Variants in PRKG1 observed in about 807,000 individuals in gnomAD.
PRKG1 encodes cGMP-dependent protein kinase 1.
PRKG1 carries 35 observed loss-of-function variants against 88.1 expected under a neutral mutation model. The ratio of observed to expected loss-of-function variants is 0.40; its 90% CI spans 0.30 to 0.53. The LOEUF (loss-of-function observed/expected upper bound fraction) is 0.53. Ranked by LOEUF, PRKG1 falls within the 20% of genes least tolerant of loss-of-function variation. PRKG1 has a pLI of 0.59. For missense variants in PRKG1, 540 were observed against 839.8 expected, an observed-to-expected ratio of 0.64 and a Z score of 4.41; for synonymous variants, 303 against 292.5, an observed-to-expected ratio of 1.04 and a Z score of -0.37.
intron 4 of PRKG1, among the ~76,000 whole-genome samples, chr10:51,818,934 G>A (rs1839665801): frequency 1.0e-5 from 1 of 99,090 alleles, no homozygotes. Flanking sequence ...GTGAACCCGG[G>A]AGGCGGAGCT....
intron 5 of PRKG1, among the ~76,000 whole-genome samples, chr10:51,977,756 G>A (rs1420432698): frequency 1.3e-5 from 2 of 151,842 alleles, no homozygotes; most frequent in Non-Finnish European, 2.9e-5. Context: ...CTTATTGGCT[G>A]AATATGTGTC....
chr10:51,231,804 A>C (rs1047942585), intron 2 of PRKG1, among the ~76,000 whole-genome samples: 1 of 152,148 alleles, frequency 6.6e-6, no homozygotes, highest in South Asian at 2.1e-4. Context: ...CTACCAAGCC[A>C]AGTTTTACAT....
chr10:51,488,399 A>G (rs1316075591), intron 3 of PRKG1, among the ~76,000 whole-genome samples: 1 of 152,184 alleles, frequency 6.6e-6, no homozygotes. Flanking sequence ...CAGTAGAAAG[A>G]CATTTTAATA....
intron 3 of PRKG1, among the ~76,000 whole-genome samples, chr10:51,753,741 A>C (rs1045956733): frequency 6.6e-6 from 1 of 152,206 alleles, no homozygotes; most frequent in Non-Finnish European, 1.5e-5. Flanking sequence ...ATGTGCTGGC[A>C]TAGGTTGACT....
intron 2 of PRKG1, among the ~76,000 whole-genome samples, chr10:51,393,068 G>T (rs1208653239): frequency 1.6e-5 from 1 of 60,856 alleles, no homozygotes; most frequent in Non-Finnish European, 3.6e-5. Flanking sequence ...CAGGCGGGGC[G>T]GCTGCCGGGC....
rs75185757 is a variant in PRKG1 at position 51,950,874 on chromosome 10, G to A, written c.762+43304G>A. On this transcript the variant is annotated intron_variant, in intron 5 of 17. Transcript: ENST00000373980. The stretch of plus-strand genomic sequence containing the variant: ...GGTTATGCTGACAATTGAAGCATGA[G>A]CAAGGCAGGGAGTTTTATTGAGTGA... 4.3e-3 allele frequency among the ~76,000 whole-genome samples: 652 copies of A among 152,334 alleles called. 6 individuals carry two copies. The highest frequency in any genetic ancestry group is 0.015 in the African/African-American group (622 of 41,588).
chr10:51,992,168 G>A lies in PRKG1; in HGVS notation c.763-62316G>A, dbSNP rs115659009. Reference sequence around the variant, plus strand: ...ATCATTTGGTATTCTTTCCTATATAGCACTGGTTTCCAACCTGAGATCCTC... The same window carrying A: ...ATCATTTGGTATTCTTTCCTATATAACACTGGTTTCCAACCTGAGATCCTC... On this transcript the variant is annotated intron_variant, in intron 5 of 17. Coordinates refer to ENST00000373980, the MANE Select transcript of PRKG1 (RefSeq NM_006258.4). Among the ~76,000 whole-genome samples the A allele has an allele frequency of 7.3e-3, 1,110 of 151,924 alleles. 18 individuals carry two copies. Among genetic ancestry groups the A allele is most frequent in the African/African-American group, 0.026 (1,061 of 41,402 alleles).
rs1299574623 is a variant in PRKG1 at position 51,908,725 on chromosome 10, C to CTATCTATATATATA, written c.762+1158_762+1159insCTATATATATATAT. ...TCTCTCTCTCTCTCTGTCTATCTAT[C>CTATCTATATATATA]TATATGTAATTTTTTTTTTTTTGAG... On this transcript the variant is annotated intron_variant, in intron 5 of 17. Transcript: ENST00000373980. 28 of 60,636 alleles carry CTATCTATATATATA rather than the reference C, an allele frequency of 4.6e-4. 1 individual carries two copies. Among genetic ancestry groups the CTATCTATATATATA allele is most frequent in the African/African-American group, 1.2e-3 (18 of 15,492 alleles). 3.8% of individuals were successfully genotyped at this position (60,636 alleles called of 1,614,324 possible). A position where few individuals can be genotyped will look rare whatever the true frequency, so the allele number is the denominator to read the frequency against.
chr10:51,370,879 G>A (rs1842691841), intron 2 of PRKG1, among the ~76,000 whole-genome samples: 1 of 151,558 alleles, frequency 6.6e-6, no homozygotes, highest in Admixed American at 6.6e-5. Context: ...CCATGCGTAG[G>A]GACTGTAATG....
chr10:51,160,059 T>G (rs894538571), intron 2 of PRKG1, among the ~76,000 whole-genome samples: 1 of 152,150 alleles, frequency 6.6e-6, no homozygotes, highest in Non-Finnish European at 1.5e-5. Context: ...TCCTTGTGGC[T>G]GAACCATAAC....
upstream of PRKG1, among the ~76,000 whole-genome samples, chr10:51,069,816 G>T (rs1256914235): frequency 6.6e-6 from 1 of 152,074 alleles, no homozygotes; most frequent in Non-Finnish European, 1.5e-5. Flanking sequence ...TGGTTTGCCC[G>T]AGACTGGAAG....
At chr10:51,099,384 GACACACAC>G (rs71459403) in intron 1 of PRKG1, among the ~76,000 whole-genome samples, 3 of 148,790 alleles carry the variant, frequency 2.0e-5, no homozygotes, top group South Asian at 2.2e-4. Context: ...CAGCATTCAA[GACACACAC>G]ACACACACAC....
At chr10:52,086,981 G>C (rs1354614031) in intron 7 of PRKG1, among the ~76,000 whole-genome samples, 2 of 152,080 alleles carry the variant, frequency 1.3e-5, no homozygotes, top group Non-Finnish European at 2.9e-5. Context: ...GATCTTGTGA[G>C]AACTCACTCA....
chr10:52,004,075 CTA>C (rs1020946803), intron 5 of PRKG1, among the ~76,000 whole-genome samples: 1 of 152,102 alleles, frequency 6.6e-6, no homozygotes, highest in Admixed American at 6.6e-5. Flanking sequence ...AATAAATTAA[CTA>C]TTCATATTAA....
intron 7 of PRKG1, among the ~76,000 whole-genome samples, chr10:52,064,055 A>G (rs1023856712): frequency 6.6e-6 from 1 of 152,132 alleles, no homozygotes; most frequent in African/African-American, 2.4e-5. Context: ...TCCAGCCTTC[A>G]GGCCCTCCCT....
chr10:51,729,628 AC>A (rs1314371209), intron 3 of PRKG1, among the ~76,000 whole-genome samples: 1 of 139,048 alleles, frequency 7.2e-6, no homozygotes, highest in Non-Finnish European at 1.5e-5. Flanking sequence ...AATTGCTTGA[AC>A]CCAGGAGGCG....
At chr10:51,497,282 T>C (rs1221706011) in intron 3 of PRKG1, among the ~76,000 whole-genome samples, 1 of 152,194 alleles carries the variant, frequency 6.6e-6, no homozygotes, top group African/African-American at 2.4e-5. Flanking sequence ...ATTTTCTTTC[T>C]TAACAGTCCT....
chr10:51,029,095 T>C (rs961771700), intron 1 of PRKG1, among the ~76,000 whole-genome samples: 2 of 152,172 alleles, frequency 1.3e-5, no homozygotes, highest in Non-Finnish European at 2.9e-5. Flanking sequence ...TGTCAGATAT[T>C]AAATTTGCAG....
At chr10:51,728,089 G>A (rs988937202) in intron 3 of PRKG1, among the ~76,000 whole-genome samples, 4 of 152,040 alleles carry the variant, frequency 2.6e-5, no homozygotes, top group Admixed American at 6.6e-5. Context: ...AAGGTCATGC[G>A]CACAGAAGAT....
Sources: gnomAD v4.1 joint callset for allele counts (sites outside exome capture counted in the v4.1 genomes callset) on GRCh38, gnomAD v4.1.1 for gene constraint, MANE v1.5 for transcripts, NCBI Gene and HGNC (gene_info 2026-07-23, HGNC 2026-07-21) for gene names.